AQP9: variants seen among roughly 807,000 people sequenced by gnomAD.
AQP9 encodes the protein aquaporin-9.
Under a neutral mutation model 23.8 loss-of-function variants are expected in AQP9, and 19 were observed. The ratio of observed to expected loss-of-function variants is 0.80; its 90% CI spans 0.56 to 1.17. AQP9 has a LOEUF of 1.17. AQP9 is among the 50% of genes most tolerant of loss of function. The probability of loss-of-function intolerance (pLI) is 0.00; values close to 1 mark genes in which losing one functional copy is unlikely to be tolerated. For missense variants in AQP9, 413 were observed against 362.0 expected (o/e 1.14, Z -1.14); for synonymous variants, 153 against 131.5 (o/e 1.16, Z -1.12).
rs1391710337 is a variant in AQP9 at position 58,166,817 on chromosome 15, T to C, written c.238+18T>C. 3 of 1,612,126 alleles carry C rather than the reference T, an allele frequency of 1.9e-6. No homozygotes were observed. The highest frequency in any genetic ancestry group is 1.7e-5 in the Admixed American group (1 of 59,804). Reference sequence around the variant, plus strand: ...TGTCTCTGGTAAGCAGTAGAAATAATGAATGCTGCTCTTAATTCAGCCACT... The same window carrying C: ...TGTCTCTGGTAAGCAGTAGAAATAACGAATGCTGCTCTTAATTCAGCCACT... On this transcript the variant is annotated intron_variant, in intron 2 of 5. Transcript: ENST00000219919.
At chr15:58,160,172 G>A (rs184251637) in intron 1 of AQP9, among the ~76,000 whole-genome samples, 1 of 152,040 alleles carries the variant, frequency 6.6e-6, no homozygotes, top group African/African-American at 2.4e-5. Context: ...TTCCCTTTTT[G>A]ATAAAAGCTG....
At chr15:58,142,783 G>C (rs1328464198) in intron 1 of AQP9, among the ~76,000 whole-genome samples, 6 of 152,216 alleles carry the variant, frequency 3.9e-5, no homozygotes, top group Non-Finnish European at 7.4e-5. Context: ...CTCCATGCTT[G>C]GTTCTTCTAG....
intron 1 of AQP9, among the ~76,000 whole-genome samples, chr15:58,162,843 A>G (rs1037559845): frequency 6.6e-6 from 1 of 152,228 alleles, no homozygotes; most frequent in Non-Finnish European, 1.5e-5. Flanking sequence ...GAGCCACTCC[A>G]TTTGATACCA....
In AQP9 at chr15:58,142,865, A is replaced by T. The variant is rs1480055111; in HGVS notation, c.111+4189A>T. 2.0e-5 allele frequency among the ~76,000 whole-genome samples: 3 copies of T among 152,066 alleles called. No homozygotes were observed. The South Asian group carries it at 6.2e-4, about 31-fold the overall frequency. On this transcript the variant is annotated intron_variant, in intron 1 of 5. Coordinates refer to ENST00000219919, the MANE Select transcript of AQP9 (RefSeq NM_020980.5). Reference sequence around the variant, plus strand: ...AGGACTGAGGGTCACATGGAGCTAGAGCTGTCAGTTGGCCAACAGATGCTA... The same window carrying T: ...AGGACTGAGGGTCACATGGAGCTAGTGCTGTCAGTTGGCCAACAGATGCTA...
chr15:58,166,194 T>A (rs1398999619), intron 1 of AQP9, among the ~76,000 whole-genome samples: 1 of 152,216 alleles, frequency 6.6e-6, no homozygotes, highest in Admixed American at 6.5e-5. Context: ...AGTGAGCCAG[T>A]TGGGAAGGCA....
rs1897898257 is a variant in AQP9, at chr15:58,138,605, C to T, written c.40C>T (p.Gln14Ter). The T allele has an allele frequency of 5.6e-6, 9 of 1,613,722 alleles. No individual in the cohort carries two copies. In the South Asian group the frequency reaches 9.9e-5, roughly 18 times the overall value. ...EGAEKGKSFK[Q>*]RLVLKSSLAK... ...AGCAGAAAAGGGAAAAAGCTTCAAG[C>T]AGAGACTGGTCTTGAAGAGCAGCTT... Residue 14 changes from glutamine to a stop codon, truncating the protein, a stop_gained, in exon 1 of 6, where the codon CAG becomes TAG. Coordinates refer to ENST00000219919, the MANE Select transcript of AQP9 (RefSeq NM_020980.5). LOFTEE classifies it high-confidence loss of function.
intron 1 of AQP9, chr15:58,153,092 A>G (rs759662050): frequency 1.3e-5 from 2 of 152,180 alleles, no homozygotes; most frequent in African/African-American, 2.4e-5. Context: ...AGCAGATGCT[A>G]ATACAGCAGC....
intron 1 of AQP9, chr15:58,155,821 A>G (rs1898244165): frequency 6.6e-6 from 1 of 152,276 alleles, no homozygotes; most frequent in South Asian, 2.1e-4. Context: ...TCCCTAATAA[A>G]CTAGGAGGTG....
At chr15:58,166,637 T>C (rs1366653336) in intron 1 of AQP9, 36 bp from the exon 2 acceptor site, 3 of 1,571,872 alleles carry the variant, frequency 1.9e-6, no homozygotes, top group Non-Finnish European at 2.6e-6. Context: ...ACAGTAGCCA[T>C]CCCCACTTAC....
In AQP9 at chr15:58,170,439, T is replaced by C. The variant is rs186582010; in HGVS notation, c.239-2629T>C. Reference sequence around the variant, plus strand: ...TTTTTTTTTTTTAATGGAGTCTTGCTCTGTCACCAGGCTGGAGTGCAGTGG... The same window carrying C: ...TTTTTTTTTTTTAATGGAGTCTTGCCCTGTCACCAGGCTGGAGTGCAGTGG... On this transcript the variant is annotated intron_variant, in intron 2 of 5. Coordinates refer to ENST00000219919, the MANE Select transcript of AQP9 (RefSeq NM_020980.5). Among the ~76,000 whole-genome samples the C allele has an allele frequency of 2.6e-5, 4 of 152,042 alleles. No individual in the cohort carries two copies. In the East Asian group the frequency reaches 7.7e-4, roughly 29 times the overall value.
chr15:58,143,036 A>G (rs1234883782), intron 1 of AQP9, among the ~76,000 whole-genome samples: 5 of 152,182 alleles, frequency 3.3e-5, no homozygotes, highest in African/African-American at 1.2e-4. Context: ...CATTCAATTG[A>G]GAGAACAGAC....
rs138246883 is a variant in AQP9 at position 58,182,862 on chromosome 15, C to T, written c.714-1099C>T. Among the ~76,000 whole-genome samples the T allele has an allele frequency of 1.2e-3, 176 of 152,210 alleles. 1 individual carries two copies. The highest frequency in any genetic ancestry group is 4.1e-3 in the African/African-American group (172 of 41,536). ...ATGCAGATGAAGGAAATGGAGCTCA[C>T]GATGGGGAATGGGGGTTTGATTTGC... On this transcript the variant is annotated intron_variant, in intron 5 of 5. Coordinates refer to ENST00000219919, the MANE Select transcript of AQP9 (RefSeq NM_020980.5).
At chr15:58,142,020 G>A (rs1472385521) in intron 1 of AQP9, among the ~76,000 whole-genome samples, 2 of 152,110 alleles carry the variant, frequency 1.3e-5, no homozygotes, top group Non-Finnish European at 2.9e-5. Context: ...GATAAGGGTG[G>A]GCAGATATCA....
chr15:58,176,547 A>G (rs1391905061), intron 4 of AQP9, among the ~76,000 whole-genome samples: 1 of 151,984 alleles, frequency 6.6e-6, no homozygotes, highest in Non-Finnish European at 1.5e-5. Context: ...CCATATTATA[A>G]TAGAAATTTG....
At chr15:58,155,104 T>C (rs1255170984) in intron 1 of AQP9, 1 of 152,290 alleles carries the variant, frequency 6.6e-6, no homozygotes, top group Admixed American at 6.5e-5. Flanking sequence ...CACTACCAGA[T>C]TATTTCTGGC....
chr15:58,174,797 C>T (rs770424875), intron 3 of AQP9, 121 bp from the exon 4 acceptor site: 51 of 781,490 alleles, frequency 6.5e-5, no homozygotes, highest in Non-Finnish European at 9.7e-5. Context: ...TAGAGAGAGA[C>T]AAATGACATG....
chr15:58,143,541 C>A (rs1467519724), intron 1 of AQP9, among the ~76,000 whole-genome samples: 3 of 152,186 alleles, frequency 2.0e-5, no homozygotes, highest in Admixed American at 2.0e-4. Context: ...TCTCCAGTTT[C>A]TCTTAACCAC....
At chr15:58,149,117 C>T (rs1248581201) in intron 1 of AQP9, among the ~76,000 whole-genome samples, 1 of 152,164 alleles carries the variant, frequency 6.6e-6, no homozygotes, top group Non-Finnish European at 1.5e-5. Context: ...GAAAGCTGTG[C>T]ATAAATCTGT....
chr15:58,145,604 C>T (rs1247576069), intron 1 of AQP9, among the ~76,000 whole-genome samples: 1 of 152,062 alleles, frequency 6.6e-6, no homozygotes, highest in African/African-American at 2.4e-5. Flanking sequence ...ACCACTCTAT[C>T]TTACATGTCA....
Sources: gnomAD v4.1 joint callset for allele counts (sites outside exome capture counted in the v4.1 genomes callset) on GRCh38, gnomAD v4.1.1 for gene constraint, MANE v1.5 for transcripts, NCBI Gene and HGNC (gene_info 2026-07-23, HGNC 2026-07-21) for gene names.